GPR39: variants seen among roughly 807,000 people sequenced by gnomAD.
GPR39 encodes zinc sensing receptor.
GPR39 carries 23 observed loss-of-function variants against 18.4 expected under a neutral mutation model. That is an observed-to-expected ratio of 1.25 (90% confidence interval 0.90 to 1.77). The LOEUF (loss-of-function observed/expected upper bound fraction) is 1.77, where lower values mean the gene tolerates loss of function less well. Among genes scored for constraint, GPR39 ranks in the 40% most tolerant of loss-of-function variants. GPR39 has a pLI of 0.00. For synonymous variants in GPR39, 280 were observed against 257.9 expected (o/e 1.09, Z -0.82); for missense variants, 647 against 602.4 (o/e 1.07, Z -0.78).
Position 132,417,230 on chromosome 2 carries a change from A to G in GPR39, c.188A>G (p.Tyr63Cys). 6.2e-7 allele frequency: 1 copy of G among 1,614,150 alleles called. No individual in the cohort carries two copies. Among genetic ancestry groups the G allele is most frequent in the South Asian group, 1.1e-5 (1 of 91,076 alleles). ...ACCCAGGTGCTGCAGAAGAAAGGAT[A>G]CTTGCAGAAGGAGGTGACAGACCAC... is the stretch of plus-strand genomic sequence containing the variant. The part of the protein sequence containing the change: ...RVTQVLQKKG[Y>C]LQKEVTDHMV... Residue 63 changes from tyrosine (Y) to cysteine (C), a missense_variant, in exon 1 of 2, where the codon TAC becomes TGC. Around this residue, in one of 3 missense-constraint regions of GPR39, gnomAD observed 61 missense variants for 79.2 expected, o/e 0.77. Coordinates refer to ENST00000329321, the MANE Select transcript of GPR39 (RefSeq NM_001508.3).
chr2:132,532,263 C>T (rs182620713), intron 1 of GPR39, among the ~76,000 whole-genome samples: 7 of 152,164 alleles, frequency 4.6e-5, no homozygotes, highest in South Asian at 2.1e-4. Context: ...GATAATTTCT[C>T]GACACATACA....
chr2:132,625,445 TAAG>T (rs1420441121), intron 1 of GPR39, among the ~76,000 whole-genome samples: 4 of 152,168 alleles, frequency 2.6e-5, no homozygotes, highest in African/African-American at 4.8e-5. Flanking sequence ...TTGTGGATAA[TAAG>T]CTGTAATAAG....
At chr2:132,592,648 G>A (rs1558851352) in intron 1 of GPR39, among the ~76,000 whole-genome samples, 1 of 152,162 alleles carries the variant, frequency 6.6e-6, no homozygotes, top group Admixed American at 6.5e-5. Flanking sequence ...AGAGACTAAA[G>A]GGTCAGAGAG....
At chr2:132,459,016 A>G (rs1009188226) in intron 1 of GPR39, among the ~76,000 whole-genome samples, 17 of 152,062 alleles carry the variant, frequency 1.1e-4, no homozygotes, top group Admixed American at 7.9e-4. Context: ...GCCCATTTCC[A>G]TTGTTGAAAG....
intron 1 of GPR39, among the ~76,000 whole-genome samples, chr2:132,544,523 C>T (rs569296094): frequency 6.6e-6 from 1 of 152,306 alleles, no homozygotes; most frequent in Non-Finnish European, 1.5e-5. Context: ...CCCCAGATGT[C>T]CATGCCCCTG....
chr2:132,437,161 C>T (rs1453370994), intron 1 of GPR39, among the ~76,000 whole-genome samples: 1 of 152,208 alleles, frequency 6.6e-6, no homozygotes, highest in South Asian at 2.1e-4. Flanking sequence ...AGACAATACA[C>T]ACACATGCAC....
rs184798703 is a variant in GPR39 at position 132,427,061 on chromosome 2, T to G, written c.856+9163T>G. Among the ~76,000 whole-genome samples, 949 of 147,084 alleles carry G rather than the reference T, an allele frequency of 6.5e-3. 13 individuals carry two copies. The highest frequency in any genetic ancestry group is 0.022 in the African/African-American group (877 of 39,908). ...CCAGAGATGAAGTCATTTGAATATA[T>G]ATATATATGTACCTATATATATAAT... On this transcript the variant is annotated intron_variant, in intron 1 of 1. Coordinates refer to ENST00000329321, the MANE Select transcript of GPR39 (RefSeq NM_001508.3).
intron 1 of GPR39, among the ~76,000 whole-genome samples, chr2:132,470,847 C>T (rs1677276214): frequency 6.6e-6 from 1 of 152,114 alleles, no homozygotes; most frequent in South Asian, 2.1e-4. Flanking sequence ...CAACCCCCAC[C>T]TGACACTGTT....
At chr2:132,608,805 G>A (rs1011696720) in intron 1 of GPR39, among the ~76,000 whole-genome samples, 9 of 152,166 alleles carry the variant, frequency 5.9e-5, no homozygotes, top group Admixed American at 3.9e-4. Flanking sequence ...CTGGGGTGGG[G>A]TGCGGGAGCA....
At chr2:132,620,221 AGT>A (rs1215748759) in intron 1 of GPR39, among the ~76,000 whole-genome samples, 6 of 152,174 alleles carry the variant, frequency 3.9e-5, no homozygotes, top group Admixed American at 3.9e-4. Context: ...ATACCCAGGC[AGT>A]TCCCTCCGGA....
At chr2:132,528,342 A>G (rs191092743) in intron 1 of GPR39, among the ~76,000 whole-genome samples, 5 of 152,262 alleles carry the variant, frequency 3.3e-5, no homozygotes, top group African/African-American at 9.6e-5. Context: ...GCCTTGTGAT[A>G]TAGTTTGAAC....
chr2:132,491,172 T>A (rs961678172), intron 1 of GPR39, among the ~76,000 whole-genome samples: 1 of 152,168 alleles, frequency 6.6e-6, no homozygotes, highest in African/African-American at 2.4e-5. Context: ...TTTCTAAAAG[T>A]ATTGAACTGG....
At chr2:132,522,101 G>A (rs539489999) in intron 1 of GPR39, among the ~76,000 whole-genome samples, 3 of 152,236 alleles carry the variant, frequency 2.0e-5, no homozygotes, top group South Asian at 2.1e-4. Flanking sequence ...CTGTGGCCCC[G>A]CCGGCTGGGG....
At position 132,417,123 on chromosome 2, in the gene GPR39, C is replaced by T. The variant is rs1159776796; in HGVS notation, c.81C>T (p.Thr27=). ...ATGTCCCCGAGTTTGAGGTGGCCACCTGGATCAAAATCACCCTTATTCTGG... is the reference window on the plus strand; with the variant it reads ...ATGTCCCCGAGTTTGAGGTGGCCACTTGGATCAAAATCACCCTTATTCTGG... ...HSHVPEFEVA[T]WIKITLILVY... is the part of the protein sequence containing the mutation. The change falls in exon 1 of 2, where the codon ACC becomes ACT. Residue 27 remains threonine (T), a synonymous_variant. Coordinates refer to ENST00000329321, the MANE Select transcript of GPR39 (RefSeq NM_001508.3). The T allele has an allele frequency of 1.2e-6, 2 of 1,614,148 alleles. No homozygotes were observed. Among genetic ancestry groups the T allele is most frequent in the East Asian group, 2.2e-5 (1 of 44,864 alleles).
At chr2:132,556,674 G>T (rs1680157670) in intron 1 of GPR39, among the ~76,000 whole-genome samples, 1 of 152,142 alleles carries the variant, frequency 6.6e-6, no homozygotes, top group African/African-American at 2.4e-5. Context: ...GCTATGTGGT[G>T]CAGGCACATC....
chr2:132,497,160 A>G (rs13402545), intron 1 of GPR39, among the ~76,000 whole-genome samples: 79,552 of 152,064 alleles, frequency 0.52, 21,576 homozygotes, highest in East Asian at 0.96. Context: ...CTCTGTGTAT[A>G]AACACGTGCA....
chr2:132,544,742 A>G (rs1679912554), intron 1 of GPR39, among the ~76,000 whole-genome samples: 1 of 152,192 alleles, frequency 6.6e-6, no homozygotes, highest in African/African-American at 2.4e-5. Context: ...CTCATGTCCA[A>G]GAAGAATGAG....
chr2:132,493,088 A>ATATACCATG (rs1168163786), intron 1 of GPR39, among the ~76,000 whole-genome samples: 1 of 141,688 alleles, frequency 7.1e-6, no homozygotes, highest in Non-Finnish European at 1.5e-5. Flanking sequence ...TATATACCAT[A>ATATACCATG]TATATACACC....
intron 1 of GPR39, among the ~76,000 whole-genome samples, chr2:132,421,622 T>C (rs2104752906): frequency 6.6e-6 from 1 of 152,330 alleles, no homozygotes; most frequent in East Asian, 1.9e-4. Flanking sequence ...ATATTGAATA[T>C]AGACATTATT....
Sources: allele counts gnomAD v4.1 joint callset (sites outside exome capture counted in the v4.1 genomes callset), GRCh38; gene constraint gnomAD v4.1.1; regional missense constraint gnomAD v4.1.1; transcripts MANE v1.5; gene names NCBI Gene and HGNC (gene_info 2026-07-23, HGNC 2026-07-21).